The following VWA3B variants were observed in gnomAD, a reference collection of about 807,000 sequenced individuals.
VWA3B encodes von Willebrand factor A domain containing 3B, also known as von Willebrand factor A domain-containing protein 3B.
Under a neutral mutation model 158.3 loss-of-function variants are expected in VWA3B, and 138 were observed. The ratio of observed to expected loss-of-function variants is 0.87; its 90% CI spans 0.76 to 1.00. The LOEUF is 1.00. Ranked by LOEUF, VWA3B falls within the 50% of genes least tolerant of loss-of-function variation. The pLI is 0.00. For synonymous variants in VWA3B, 596 were observed against 587.3 expected, an observed-to-expected ratio of 1.01 and a Z score of -0.21; for missense variants, 1,555 against 1,565.1, an observed-to-expected ratio of 0.99 and a Z score of 0.11.
intron 19 of VWA3B, among the ~76,000 whole-genome samples, chr2:98,241,952 A>T (rs1029371765): frequency 6.6e-6 from 1 of 152,172 alleles, no homozygotes; most frequent in African/African-American, 2.4e-5. Flanking sequence ...TCAGCTATAA[A>T]TGGAAAGAAT....
chr2:98,093,568 A>T (rs1037256816), intron 2 of VWA3B, among the ~76,000 whole-genome samples: 11 of 152,172 alleles, frequency 7.2e-5, no homozygotes, highest in African/African-American at 2.4e-4. Flanking sequence ...GTACAACATG[A>T]TGTTTTGAAG....
At position 98,123,937 on chromosome 2, in the gene VWA3B, A is replaced by C. The variant is rs1283888235; in HGVS notation, c.702+2479A>C. ...GGCCACCTACCCAGAAGATACCTGC[A>C]TTTCTGATTCTGTTCTTAGCCTCTC... On this transcript the variant is annotated intron_variant, in intron 5 of 27. Coordinates refer to ENST00000477737, the MANE Select transcript of VWA3B (RefSeq NM_144992.5). 2.6e-4 allele frequency among the ~76,000 whole-genome samples: 40 copies of C among 152,202 alleles called. 1 individual carries two copies. The highest frequency in any genetic ancestry group is 4.4e-5 in the Non-Finnish European group (3 of 68,034).
intron 26 of VWA3B, among the ~76,000 whole-genome samples, chr2:98,310,926 G>A (rs955820735): frequency 1.3e-5 from 2 of 152,192 alleles, no homozygotes; most frequent in African/African-American, 2.4e-5. Context: ...GATTTGAATG[G>A]TGGCATTTTC....
At chr2:98,205,314 C>T (rs1192207895) in intron 12 of VWA3B, among the ~76,000 whole-genome samples, 1 of 152,114 alleles carries the variant, frequency 6.6e-6, no homozygotes, top group African/African-American at 2.4e-5. Flanking sequence ...AATTTATGAG[C>T]ATAAAGTTTT....
Position 98,127,411 on chromosome 2 carries a change from C to T in VWA3B, c.703-828C>T, listed in dbSNP as rs185454367. Among the ~76,000 whole-genome samples the T allele has an allele frequency of 1.5e-3, 224 of 152,154 alleles. 2 individuals are homozygous for T. Among genetic ancestry groups the T allele is most frequent in the Admixed American group, 0.011 (167 of 15,276 alleles). On this transcript the variant is annotated intron_variant, in intron 5 of 27. Transcript: ENST00000477737. ...GGGGTGGGGAGGACTGTGGAAGCAC[C>T]GTCCCGGGAGGAGCGAGGGTGGCCG...
chr2:98,099,475 T>C (rs1250858529), intron 2 of VWA3B: 1 of 152,250 alleles, frequency 6.6e-6, no homozygotes, highest in African/African-American at 2.4e-5. Flanking sequence ...TATATGTTAC[T>C]AGCTTCTTTT....
intron 9 of VWA3B, among the ~76,000 whole-genome samples, chr2:98,186,149 C>T (rs139770900): frequency 1.7e-4 from 22 of 131,684 alleles, no homozygotes; most frequent in African/African-American, 6.1e-4. Flanking sequence ...TAGTTGGTCA[C>T]TTCCTTGAAT....
At chr2:98,236,212 A>T (rs769717112) in intron 17 of VWA3B, among the ~76,000 whole-genome samples, 178 bp from the exon 18 acceptor site, 6 of 152,226 alleles carry the variant, frequency 3.9e-5, no homozygotes, top group Non-Finnish European at 8.8e-5. Flanking sequence ...TCTGTAGTGT[A>T]AATTGCAAAG....
At chr2:98,265,173 C>T (rs1457537848) in intron 21 of VWA3B, among the ~76,000 whole-genome samples, 5 of 151,010 alleles carry the variant, frequency 3.3e-5, no homozygotes, top group Non-Finnish European at 5.9e-5. Context: ...AGGTGTATCT[C>T]CCAATGCTAT....
intron 19 of VWA3B, among the ~76,000 whole-genome samples, chr2:98,240,334 G>A (rs1029444553): frequency 3.3e-5 from 5 of 152,140 alleles, no homozygotes; most frequent in South Asian, 4.1e-4. Flanking sequence ...ATAGTTGCAA[G>A]GTTCTTCCCC....
chr2:98,280,854 G>A (rs1284280719), intron 22 of VWA3B, among the ~76,000 whole-genome samples: 3 of 152,204 alleles, frequency 2.0e-5, no homozygotes, highest in Admixed American at 6.5e-5. Flanking sequence ...AGGCAGCACT[G>A]CCAGCTTTCC....
At chr2:98,214,221 CA>C (rs146956559) in intron 13 of VWA3B, among the ~76,000 whole-genome samples, 1 of 150,220 alleles carries the variant, frequency 6.7e-6, no homozygotes, top group Non-Finnish European at 1.5e-5. Flanking sequence ...AAGCAAAACA[CA>C]AAAAAAACAA....
At chr2:98,214,662 A>G (rs1184335030) in intron 13 of VWA3B, among the ~76,000 whole-genome samples, 3 of 152,190 alleles carry the variant, frequency 2.0e-5, no homozygotes, top group African/African-American at 7.2e-5. Flanking sequence ...TTCGTCAAAC[A>G]GTATACCTTG....
chr2:98,198,557 A>AAC (rs1682257726), intron 12 of VWA3B, among the ~76,000 whole-genome samples: 1 of 152,136 alleles, frequency 6.6e-6, no homozygotes, highest in African/African-American at 2.4e-5. Flanking sequence ...GTAAAAAAAA[A>AAC]AACACTCTTT....
At chr2:98,129,060 A>G (rs1675608407) in intron 6 of VWA3B, among the ~76,000 whole-genome samples, 1 of 151,656 alleles carries the variant, frequency 6.6e-6, no homozygotes, top group African/African-American at 2.4e-5. Flanking sequence ...TGGCTTAACA[A>G]GTATTTATTT....
At position 98,192,853 on chromosome 2, in the gene VWA3B, G is replaced by A. The variant is rs371117825; in HGVS notation, c.1467-45G>A. Reference sequence around the variant, plus strand: ...AAGTTCTTGGGAAGATGCTCTTGTTGCCTGCAGGCTCTCACCATTCACTTT... The same window carrying A: ...AAGTTCTTGGGAAGATGCTCTTGTTACCTGCAGGCTCTCACCATTCACTTT... On this transcript the variant is annotated intron_variant, in intron 10 of 27. Transcript: ENST00000477737. 7 of 1,613,726 alleles carry A rather than the reference G, an allele frequency of 4.3e-6. No homozygotes were observed. In the African/African-American group the frequency reaches 6.7e-5, roughly 15 times the overall value.
chr2:98,104,024 G>A (rs1005566658), intron 2 of VWA3B, among the ~76,000 whole-genome samples: 6 of 152,136 alleles, frequency 3.9e-5, no homozygotes, highest in African/African-American at 1.4e-4. Context: ...TATAGCCACT[G>A]TAGCTTTCTT....
chr2:98,248,150 A>C (rs1313268680), intron 19 of VWA3B, among the ~76,000 whole-genome samples: 1 of 151,800 alleles, frequency 6.6e-6, no homozygotes, highest in Non-Finnish European at 1.5e-5. Flanking sequence ...ACTTTAGTAA[A>C]TTTTTGTACT....
rs980490857 is a variant in VWA3B at position 98,244,241 on chromosome 2, T to C, written c.2674-6077T>C. Among the ~76,000 whole-genome samples, 24 of 152,202 alleles carry C rather than the reference T, an allele frequency of 1.6e-4. 1 individual carries two copies. The highest frequency in any genetic ancestry group is 5.8e-4 in the African/African-American group (24 of 41,414). ...AGTAATATAAATTACTACAGTTTAA[T>C]TATTCCTCCCAATTGGGGGCAGTTT... On this transcript the variant is annotated intron_variant, in intron 19 of 27. Transcript: ENST00000477737.
Sources: allele counts gnomAD v4.1 joint callset (sites outside exome capture counted in the v4.1 genomes callset), GRCh38; gene constraint gnomAD v4.1.1; transcripts MANE v1.5; gene names NCBI Gene and HGNC (gene_info 2026-07-23, HGNC 2026-07-21).